The following AKAP6 variants were observed in gnomAD, a reference collection of about 807,000 sequenced individuals.
AKAP6 encodes the protein A-kinase anchoring protein 6.
In AKAP6, 58 loss-of-function variants were observed where a neutral mutation model predicts 188.5. The ratio of observed to expected loss-of-function variants is 0.31; its 90% CI spans 0.25 to 0.38. The LOEUF (loss-of-function observed/expected upper bound fraction) is 0.38. Ranked by LOEUF, AKAP6 falls within the 10% of genes least tolerant of loss-of-function variation. AKAP6 has a pLI of 1.00. For missense variants in AKAP6, 2,710 were observed against 2,740.0 expected, an observed-to-expected ratio of 0.99 and a Z score of 0.24; for synonymous variants, 989 against 998.6, an observed-to-expected ratio of 0.99 and a Z score of 0.18.
chr14:32,546,302 C>T lies in AKAP6; in HGVS notation c.1649C>T (p.Ser550Phe), dbSNP rs1883195340. 1.2e-6 allele frequency: 2 copies of T among 1,614,190 alleles called. No homozygotes were observed. Among genetic ancestry groups the T allele is most frequent in the South Asian group, 1.1e-5 (1 of 91,082 alleles). The stretch of plus-strand genomic sequence containing the variant: ...GAGGGGCCACAAACAAATTCTGCTT[C>T]CACATCCTCACTTGAGCCTTGTAAT... ...AIEGPQTNSA[S>F]TSSLEPCNQR... The change falls in exon 4 of 14, where the codon TCC becomes TTC. Residue 550 changes from serine (S) to phenylalanine (F), a missense_variant. By Grantham distance (155) the Ser-to-Phe change is radical. Transcript: ENST00000280979.
At chr14:32,801,981 A>AT (rs553898652) in intron 12 of AKAP6, among the ~76,000 whole-genome samples, 1 of 152,148 alleles carries the variant, frequency 6.6e-6, no homozygotes, top group South Asian at 2.1e-4. Flanking sequence ...CTAAGCATAG[A>AT]TTTTTTGGTA....
At position 32,546,914 on chromosome 14, in the gene AKAP6, C is replaced by A. The variant is rs1883226691; in HGVS notation, c.2261C>A (p.Ser754Tyr). Residue 754 changes from serine to tyrosine, a missense_variant, in exon 4 of 14, where the codon TCT (serine) becomes TAT (tyrosine). Coordinates refer to ENST00000280979, the MANE Select transcript of AKAP6 (RefSeq NM_004274.5). ...ASSSEKNESHSATKSALIQKL... is the reference protein window; with the variant it reads ...ASSSEKNESHYATKSALIQKL... ...TCCTCTGAGAAAAATGAGAGCCATT[C>A]TGCCACTAAATCAGCTTTAATTCAG... is the stretch of plus-strand genomic sequence containing the variant. 1 of 1,613,552 alleles carries A rather than the reference C, an allele frequency of 6.2e-7. No individual in the cohort carries two copies. The highest frequency in any genetic ancestry group is 8.5e-7 in the Non-Finnish European group (1 of 1,180,010).
At chr14:32,401,433 AAC>A (rs1889088954) in intron 1 of AKAP6, among the ~76,000 whole-genome samples, 1 of 151,984 alleles carries the variant, frequency 6.6e-6, no homozygotes, top group Admixed American at 6.6e-5. Context: ...TCTTTTTTTG[AAC>A]TACTAATTTT....
chr14:32,446,349 T>A (rs1287460846), intron 2 of AKAP6, among the ~76,000 whole-genome samples: 2 of 152,182 alleles, frequency 1.3e-5, no homozygotes. Context: ...ACGAGCTAGG[T>A]AAATAAAAAT....
At position 32,803,776 on chromosome 14, in the gene AKAP6, C is replaced by T. The variant is rs2034017796; in HGVS notation, c.3589-17626C>T. Among the ~76,000 whole-genome samples the T allele has an allele frequency of 2.0e-5, 3 of 152,304 alleles. No individual in the cohort carries two copies. In the South Asian group the frequency reaches 6.2e-4, roughly 32 times the overall value. The stretch of plus-strand genomic sequence containing the variant: ...CTCTAAACACATACATACAGCTCCA[C>T]AGCTCTACTGAGGTTTCCTAAAGGC... On this transcript the variant is annotated intron_variant, in intron 12 of 13. Coordinates refer to ENST00000280979, the MANE Select transcript of AKAP6 (RefSeq NM_004274.5).
intron 1 of AKAP6, among the ~76,000 whole-genome samples, chr14:32,374,907 G>C (rs139844619): frequency 8.2e-4 from 125 of 152,120 alleles, no homozygotes; most frequent in African/African-American, 2.9e-3. Context: ...GTTTGTTTAA[G>C]GTATTTGATA....
intron 7 of AKAP6, among the ~76,000 whole-genome samples, chr14:32,646,253 T>C (rs1887982443): frequency 6.6e-6 from 1 of 151,960 alleles, no homozygotes; most frequent in Admixed American, 6.6e-5. Context: ...TAATAATATA[T>C]AATACATAAT....
At chr14:32,730,415 G>A (rs1314260885) in intron 9 of AKAP6, among the ~76,000 whole-genome samples, 3 of 152,138 alleles carry the variant, frequency 2.0e-5, no homozygotes, top group Admixed American at 6.6e-5. Flanking sequence ...ATTTAACAGA[G>A]AAGATTGGTT....
At chr14:32,510,411 T>TAC (rs1881144819) in intron 2 of AKAP6, among the ~76,000 whole-genome samples, 1 of 97,126 alleles carries the variant, frequency 1.0e-5, no homozygotes, top group Admixed American at 1.2e-4. Context: ...TATGTATATA[T>TAC]ATGTATATAT....
intron 12 of AKAP6, among the ~76,000 whole-genome samples, chr14:32,812,174 A>G (rs908658859): frequency 1.3e-5 from 2 of 152,236 alleles, no homozygotes; most frequent in African/African-American, 2.4e-5. Context: ...AAAAGAATGT[A>G]TGCAACTTTG....
chr14:32,475,574 A>G (rs1428631728), intron 2 of AKAP6, among the ~76,000 whole-genome samples: 1 of 152,204 alleles, frequency 6.6e-6, no homozygotes, highest in African/African-American at 2.4e-5. Flanking sequence ...GATCGAGCAA[A>G]ACCAGCTTCT....
chr14:32,802,861 G>A (rs527544414), intron 12 of AKAP6, among the ~76,000 whole-genome samples: 4 of 152,264 alleles, frequency 2.6e-5, no homozygotes, highest in African/African-American at 7.2e-5. Context: ...ACTTTGGGAC[G>A]CCAAGATGGG....
At chr14:32,391,170 A>G (rs1013721582) in intron 1 of AKAP6, among the ~76,000 whole-genome samples, 1 of 152,178 alleles carries the variant, frequency 6.6e-6, no homozygotes, top group Admixed American at 6.5e-5. Flanking sequence ...AGAACCTCAG[A>G]TTGTTCAATG....
chr14:32,646,339 GA>G (rs34572028), intron 7 of AKAP6, among the ~76,000 whole-genome samples: 97,302 of 151,706 alleles, frequency 0.64, 32,559 homozygotes, highest in East Asian at 0.94. Flanking sequence ...ACACTGTGAT[GA>G]AAAAAATAAT....
intron 1 of AKAP6, among the ~76,000 whole-genome samples, chr14:32,369,807 G>A (rs920790279): frequency 6.6e-6 from 1 of 152,272 alleles, no homozygotes; most frequent in Non-Finnish European, 1.5e-5. Context: ...GAGGTGGGTG[G>A]ATCACCTGAG....
chr14:32,355,113 C>T (rs1244685128), intron 1 of AKAP6, among the ~76,000 whole-genome samples: 3 of 152,130 alleles, frequency 2.0e-5, no homozygotes, highest in East Asian at 1.9e-4. Context: ...TGTGATCTAC[C>T]TCATATTCCT....
At chr14:32,419,331 G>A (rs1303118826) in intron 1 of AKAP6, among the ~76,000 whole-genome samples, 1 of 152,086 alleles carries the variant, frequency 6.6e-6, no homozygotes, top group Non-Finnish European at 1.5e-5. Flanking sequence ...TTACATGTCT[G>A]GGAGTCTATA....
At chr14:32,599,585 A>AATGCTTCT in intron 6 of AKAP6, 79 bp downstream of exon 6, 1 of 1,067,600 alleles carries the variant, frequency 9.4e-7, no homozygotes, top group Non-Finnish European at 1.4e-6. Context: ...AAATTACTGC[A>AATGCTTCT]TATATTCACT....
chr14:32,662,318 T>C (rs2139580262), intron 7 of AKAP6, among the ~76,000 whole-genome samples: 1 of 152,240 alleles, frequency 6.6e-6, no homozygotes. Flanking sequence ...ACTCTCAAGC[T>C]GTGAAGTAGC....
Sources: gnomAD v4.1 joint callset for allele counts (sites outside exome capture counted in the v4.1 genomes callset) on GRCh38, gnomAD v4.1.1 for gene constraint, MANE v1.5 for transcripts, NCBI Gene and HGNC (gene_info 2026-07-23, HGNC 2026-07-21) for gene names.